Variants in PRAM1 observed in about 807,000 individuals in gnomAD.
PRAM1 encodes the protein PML-RARA-regulated adapter molecule 1.
Under a neutral mutation model 55.3 loss-of-function variants are expected in PRAM1, and 41 were observed. The observed-to-expected ratio is 0.74, with a 90% CI of 0.58 to 0.96. PRAM1 has a LOEUF of 0.96. Ranked by LOEUF, PRAM1 falls within the 40% of genes least tolerant of loss-of-function variation. The pLI, the probability that PRAM1 is intolerant of heterozygous loss-of-function variation, is 0.00. For synonymous variants in PRAM1, 401 were observed against 387.1 expected (o/e 1.04, Z -0.42); for missense variants, 898 against 892.7 (o/e 1.01, Z -0.08).
chr19:8,494,393 C>T (rs992838879), intron 4 of PRAM1, among the ~76,000 whole-genome samples: 1 of 152,314 alleles, frequency 6.6e-6, no homozygotes, highest in Non-Finnish European at 1.5e-5. Context: ...GAAGGGGCCC[C>T]ACCAGGAAGC....
rs879658449 is a variant in PRAM1, at chr19:8,498,345, G to C, written c.1432+31C>G. On this transcript the variant is annotated intron_variant, in intron 2 of 9. Coordinates refer to ENST00000423345, the MANE Select transcript of PRAM1 (RefSeq NM_032152.5). ...GGCACTGCCTGGGACCTCAGCCCCC[G>C]CTCCTGCCGGTGCCGCCCGCCCTCA... The C allele has an allele frequency of 9.4e-6, 15 of 1,588,322 alleles. 1 individual carries two copies. The highest frequency in any genetic ancestry group is 1.3e-5 in the Non-Finnish European group (15 of 1,168,176).
rs1971615473 is a variant in PRAM1 at position 8,490,892 on chromosome 19, ACTT to A, written c.1735_1737del (p.Lys579del). The A allele has an allele frequency of 6.2e-7, 1 of 1,613,084 alleles. No homozygotes were observed. The highest frequency in any genetic ancestry group is 8.5e-7 in the Non-Finnish European group (1 of 1,179,802). Reference sequence around the variant, plus strand: ...GCTTAGCTCAGAGGCCTCACCTTGAACTTCTTCCGGAACTCCCTCTCGGCCTTC... The same window carrying A: ...GCTTAGCTCAGAGGCCTCACCTTGAACTTCCGGAACTCCCTCTCGGCCTTC... On this transcript the variant is annotated inframe_deletion, in exon 6 of 10. Coordinates refer to ENST00000423345, the MANE Select transcript of PRAM1 (RefSeq NM_032152.5). The surrounding 1 kb of genome is among the most constrained non-coding windows in gnomAD (Gnocchi z 7.3).
Position 8,498,651 on chromosome 19 carries a change from C to G in PRAM1, c.1157G>C (p.Ser386Thr), listed in dbSNP as rs762405383. Residue 386 changes from serine to threonine, a missense_variant, in exon 2 of 10, where the codon AGC becomes ACC. Ser to Thr is a moderately conservative substitution (Grantham distance 58, BLOSUM62 1). Transcript: ENST00000423345. Reference sequence around the variant, plus strand: ...AGGCAGTGAGCTCTCGGAAGCGGAGCTGGGGAGTGGAGGCTTTCGAGGGAG... The same window carrying G: ...AGGCAGTGAGCTCTCGGAAGCGGAGGTGGGGAGTGGAGGCTTTCGAGGGAG... ...GDLPRKPPLPSSASESSLPAA... is the reference protein window; with the variant it reads ...GDLPRKPPLPTSASESSLPAA... The G allele has an allele frequency of 3.1e-6, 5 of 1,611,508 alleles. No homozygotes were observed. In the South Asian group the frequency reaches 5.5e-5, roughly 18 times the overall value.
At position 8,498,772 on chromosome 19, in the gene PRAM1, G is replaced by A. The variant is rs1367450010; in HGVS notation, c.1036C>T (p.Leu346=). Reference sequence around the variant, plus strand: ...GGTGGCCCCCGGCGCTCCGGCTGCAGCAGCTTCCTGGGGAGTGAGTTGAAC... The same window carrying A: ...GGTGGCCCCCGGCGCTCCGGCTGCAACAGCTTCCTGGGGAGTGAGTTGAAC... The part of the protein sequence containing the change: ...PEFNSLPRKL[L]QPERRGPPRK... The change falls in exon 2 of 10, where the codon CTG becomes TTG. Residue 346 remains leucine, a synonymous_variant. Transcript: ENST00000423345. 8 of 1,574,434 alleles carry A rather than the reference G, an allele frequency of 5.1e-6. No individual in the cohort carries two copies. The highest frequency in any genetic ancestry group is 1.9e-5 in the Admixed American group (1 of 52,904).
rs761614956 is a variant in PRAM1 at position 8,499,698 on chromosome 19, G to A, written c.110C>T (p.Pro37Leu). 28 of 1,613,688 alleles carry A rather than the reference G, an allele frequency of 1.7e-5. No homozygotes were observed. The Admixed American group carries it at 3.5e-4, about 20-fold the overall frequency. Residue 37 changes from proline (P) to leucine (L), a missense_variant, in exon 2 of 10, where the codon CCG (proline) becomes CTG (leucine). This residue lies in a region of PRAM1 where 79 missense variants were observed against 93.4 expected (regional missense o/e 0.85). Coordinates refer to ENST00000423345, the MANE Select transcript of PRAM1 (RefSeq NM_032152.5). ...PEPSDLPKKPPKPEFGKLKKF... is the reference protein window; with the variant it reads ...PEPSDLPKKPLKPEFGKLKKF... ...CTTCAGTTTACCAAACTCAGGCTTC[G>A]GAGGTTTTTTGGGCAGGTCGCTGGG...
rs538769149 is a variant in PRAM1, at chr19:8,490,728, T to A, written c.1772A>T (p.Lys591Met). The A allele has an allele frequency of 1.2e-5, 20 of 1,611,158 alleles. 1 individual carries two copies. The East Asian group carries it at 4.2e-4, about 34-fold the overall frequency. Residue 591 changes from lysine (K) to methionine (M), a missense_variant, in exon 7 of 10, where the codon AAG becomes ATG. Lys to Met is a moderately conservative substitution (Grantham distance 95, BLOSUM62 -1). Transcript: ENST00000423345. The surrounding 1 kb of genome is among the most constrained non-coding windows in gnomAD (Gnocchi z 7.3). ...CTTAGCGTTGGGGTCGATCATCATC[T>A]TCGTGTGAACCACGATCTCCCCTTC... ...KFEGEIVVHT[K>M]MMIDPNAKTR... is the part of the protein sequence containing the mutation.
At chr19:8,502,457 A>ACCCCCCCCCC (rs138708138) in intron 1 of PRAM1, 108 bp downstream of exon 1, 225 of 470,044 alleles carry the variant, frequency 4.8e-4, no homozygotes, top group African/African-American at 5.5e-4. Context: ...TTTCGCAGCC[A>ACCCCCCCCCC]CCCCCCGCCC....
At position 8,499,061 on chromosome 19, in the gene PRAM1, G is replaced by A. The variant is rs780651108; in HGVS notation, c.747C>T (p.Ala249=). The A allele has an allele frequency of 1.2e-6, 2 of 1,613,628 alleles. No homozygotes were observed. The highest frequency in any genetic ancestry group is 1.7e-6 in the Non-Finnish European group (2 of 1,179,806). Residue 249 remains alanine, a synonymous_variant, in exon 2 of 10, where the codon GCC becomes GCT. Transcript: ENST00000423345. ...GAGGCTTCCAGAGGGGAGTCTGAGC[G>A]GCCTCGCTGAACTCAGGCTGCGGCA... The part of the protein sequence containing the change: ...KSVPQPEFSE[A]AQTPLWKPQS...
chr19:8,491,581 C>A (rs1372109955), intron 4 of PRAM1: 2 of 241,188 alleles, frequency 8.3e-6, no homozygotes, highest in Non-Finnish European at 1.6e-5. Flanking sequence ...CTGAGGACTC[C>A]CCAAATCCCA....
chr19:8,499,871 AC>A, intron 1 of PRAM1, 91 bp from the exon 2 acceptor site: 2 of 1,122,638 alleles, frequency 1.8e-6, no homozygotes, highest in Non-Finnish European at 2.5e-6. Flanking sequence ...ACAGCCCACA[AC>A]CACCACCCCT....
chr19:8,498,150 G>A, intron 3 of PRAM1, 73 bp downstream of exon 3: 1 of 1,504,582 alleles, frequency 6.6e-7, no homozygotes, highest in Admixed American at 1.9e-5. Context: ...GAAGTTCTGG[G>A]AGCTCCAGGC....
intron 1 of PRAM1, 131 bp downstream of exon 1, chr19:8,502,427 CTTCCCGT>C (rs1971818089): frequency 1.8e-6 from 2 of 1,098,744 alleles, no homozygotes; most frequent in Non-Finnish European, 2.6e-6. Flanking sequence ...TTTGCCGACC[CTTCCCGT>C]TTCCCAGATG....
At position 8,490,766 on chromosome 19, in the gene PRAM1, G is replaced by A. The variant is rs377266113; in HGVS notation, c.1744-10C>T. On this transcript the variant is annotated splice_polypyrimidine_tract_variant and intron_variant, in intron 6 of 9. Transcript: ENST00000423345. The surrounding 1 kb of genome is among the most constrained non-coding windows in gnomAD (Gnocchi z 7.3). ...CGATCTCCCCTTCAAACTGGGGCGC[G>A]AGATGTTAGGGCCTCTGCTTGTGCT... is the stretch of plus-strand genomic sequence containing the variant. The A allele has an allele frequency of 6.0e-5, 97 of 1,607,866 alleles. No homozygotes were observed. Among genetic ancestry groups the A allele is most frequent in the Non-Finnish European group, 6.7e-5 (79 of 1,179,498 alleles).
Position 8,493,709 on chromosome 19 carries a change from G to A in PRAM1, c.1577-2552C>T, listed in dbSNP as rs564095198. Among the ~76,000 whole-genome samples the A allele has an allele frequency of 2.4e-4, 36 of 152,338 alleles. No individual in the cohort carries two copies. The highest frequency in any genetic ancestry group is 7.7e-4 in the African/African-American group (32 of 41,582). ...GGAGTCCAGAGTCCTGGCCCCAAGA[G>A]ACCTAAGCTGCCTTTGAGAAGCTGC... On this transcript the variant is annotated intron_variant, in intron 4 of 9. Coordinates refer to ENST00000423345, the MANE Select transcript of PRAM1 (RefSeq NM_032152.5). This position sits in a 1 kb window ranked among gnomAD's most constrained non-coding sequence, Gnocchi z 4.1.
intron 1 of PRAM1, among the ~76,000 whole-genome samples, chr19:8,501,952 T>C (rs1971812259): frequency 6.6e-6 from 1 of 152,102 alleles, no homozygotes; most frequent in Non-Finnish European, 1.5e-5. Context: ...CAAACGCCCC[T>C]TTCACCTGTG....
chr19:8,498,977 C>A lies in PRAM1; in HGVS notation c.831G>T (p.Pro277=), dbSNP rs749666961. ...SAFPKKASQP[P]LSDFPKKPPQ... ...GAGGCTTCTTGGGAAAGTCACTCAG[C>A]GGAGGCTGGGAGGCCTTTTTGGGAA... Residue 277 remains proline (P), a synonymous_variant, in exon 2 of 10, where the codon CCG becomes CCT. Transcript: ENST00000423345. 2 of 1,613,818 alleles carry A rather than the reference C, an allele frequency of 1.2e-6. No homozygotes were observed. Among genetic ancestry groups the A allele is most frequent in the East Asian group, 2.2e-5 (1 of 44,876 alleles).
chr19:8,490,122 G>C lies in PRAM1; in HGVS notation c.*67C>G. On this transcript the variant is annotated 3_prime_UTR_variant, in exon 10 of 10. Coordinates refer to ENST00000423345, the MANE Select transcript of PRAM1 (RefSeq NM_032152.5). The surrounding 1 kb of genome is among the most constrained non-coding windows in gnomAD (Gnocchi z 7.3). ...GCAGCTCTGTGACTTTCCCGCGCCG[G>C]GATCCAGGGCTCCTGGGTGAGCGGG... 7.0e-7 allele frequency: 1 copy of C among 1,437,798 alleles called. No homozygotes were observed. The highest frequency in any genetic ancestry group is 9.3e-7 in the Non-Finnish European group (1 of 1,077,398). The allele number at this position is 1,437,798 out of a possible 1,614,324, so 89.1% of individuals were successfully genotyped here. A position where few individuals can be genotyped will look rare whatever the true frequency, so the allele number is the denominator to read the frequency against.
chr19:8,494,163 T>C lies in PRAM1; in HGVS notation c.1577-3006A>G, dbSNP rs374340754. On this transcript the variant is annotated intron_variant, in intron 4 of 9. Transcript: ENST00000423345. ...AAGGAAGGGGGAGAAGGTTATTTGG[T>C]GACAGGAACAATGGGCCAAGGGTGG... is the stretch of plus-strand genomic sequence containing the variant. 1.4e-4 allele frequency among the ~76,000 whole-genome samples: 21 copies of C among 152,164 alleles called. No homozygotes were observed. In the East Asian group the frequency reaches 4.1e-3, roughly 29 times the overall value.
chr19:8,501,942 C>T (rs1971811975), intron 1 of PRAM1, among the ~76,000 whole-genome samples: 1 of 152,192 alleles, frequency 6.6e-6, no homozygotes, highest in Non-Finnish European at 1.5e-5. Flanking sequence ...CTTAGTCCTA[C>T]AAACGCCCCT....
Sources: allele counts gnomAD v4.1 joint callset (sites outside exome capture counted in the v4.1 genomes callset), GRCh38; gene constraint gnomAD v4.1.1; regional missense constraint gnomAD v4.1.1; non-coding constraint Gnocchi (gnomAD v3.1); transcripts MANE v1.5; gene names NCBI Gene and HGNC (gene_info 2026-07-23, HGNC 2026-07-21).